PCDHGA3: variants seen among roughly 807,000 people sequenced by gnomAD.
PCDHGA3 encodes the protein protocadherin gamma subfamily A, 3, also known as protocadherin gamma-A3.
PCDHGA3 carries 40 observed loss-of-function variants against 58.5 expected under a neutral mutation model. The ratio of observed to expected loss-of-function variants is 0.68; its 90% CI spans 0.53 to 0.89. The LOEUF is 0.89. Ranked by LOEUF, PCDHGA3 falls within the 40% of genes least tolerant of loss-of-function variation. The pLI, the probability that PCDHGA3 is intolerant of heterozygous loss-of-function variation, is 0.00. For missense variants in PCDHGA3, 1,223 were observed against 1,195.9 expected (o/e 1.02, Z -0.33); for synonymous variants, 530 against 525.7 (o/e 1.01, Z -0.11).
At chr5:141,372,747 G>C (rs749618566) in intron 1 of PCDHGA3, 2 of 1,613,418 alleles carry the variant, frequency 1.2e-6, no homozygotes, top group Non-Finnish European at 1.7e-6. Flanking sequence ...ATGTGATGAA[G>C]CCTCTTGGTT....
At chr5:141,412,204 T>G (rs2095542280) in intron 1 of PCDHGA3, 1 of 152,240 alleles carries the variant, frequency 6.6e-6, no homozygotes, top group Admixed American at 6.5e-5. Context: ...ACAGGTCATT[T>G]GACATAAACA....
At chr5:141,475,819 G>A (rs1232669115) in intron 1 of PCDHGA3, 4 of 350,114 alleles carry the variant, frequency 1.1e-5, no homozygotes, top group Non-Finnish European at 1.6e-5. Context: ...GAAGTTCCTG[G>A]CGCTAGCGCG....
Position 141,477,779 on chromosome 5 carries a change from A to G in PCDHGA3, c.2425-17028A>G, listed in dbSNP as rs781567883. ...CCTAGCCACCAACATCAGCGTGAAC[A>G]TATTTGTCACTGATCGCAATGACAA... On this transcript the variant is annotated intron_variant, in intron 1 of 3. Coordinates refer to ENST00000253812, the MANE Select transcript of PCDHGA3 (RefSeq NM_018916.4). This position sits in a 1 kb window ranked among gnomAD's most constrained non-coding sequence, Gnocchi z 4.9. 5.6e-6 allele frequency: 9 copies of G among 1,613,894 alleles called. No homozygotes were observed. Among genetic ancestry groups the G allele is most frequent in the South Asian group, 5.5e-5 (5 of 91,084 alleles).
intron 1 of PCDHGA3, among the ~76,000 whole-genome samples, chr5:141,470,212 C>A (rs756256854): frequency 2.0e-5 from 3 of 152,116 alleles, no homozygotes; most frequent in Non-Finnish European, 4.4e-5. Context: ...AAGGCTAAAC[C>A]ATTCAGCTTC....
rs192631651 is a variant in PCDHGA3 at position 141,432,052 on chromosome 5, C to T, written c.2425-62755C>T. On this transcript the variant is annotated intron_variant, in intron 1 of 3. Transcript: ENST00000253812. This position sits in a 1 kb window ranked among gnomAD's most constrained non-coding sequence, Gnocchi z 6.0. ...CCGCCACTGACCGGGGAACCCCGCC[C>T]CTATCCACGGAAACTCATATCTCGC... is the stretch of plus-strand genomic sequence containing the variant. The T allele has an allele frequency of 1.2e-6, 2 of 1,614,108 alleles. No individual in the cohort carries two copies. The highest frequency in any genetic ancestry group is 1.3e-5 in the African/African-American group (1 of 74,930).
intron 1 of PCDHGA3, chr5:141,392,926 A>G (rs1180746876): frequency 9.3e-6 from 15 of 1,613,946 alleles, no homozygotes; most frequent in Non-Finnish European, 1.3e-5. Context: ...GTGCCAGAAG[A>G]GACGGACAAA....
intron 1 of PCDHGA3, chr5:141,356,817 C>T (rs553662641): frequency 1.2e-6 from 2 of 1,613,926 alleles, no homozygotes; most frequent in Admixed American, 3.3e-5. Flanking sequence ...ACAGTGGAGA[C>T]CCTCCACTCA....
chr5:141,389,137 T>C, intron 1 of PCDHGA3: 1 of 1,614,020 alleles, frequency 6.2e-7, no homozygotes. Flanking sequence ...GAGTACAATA[T>C]AACCGTTACG....
intron 3 of PCDHGA3, among the ~76,000 whole-genome samples, chr5:141,510,208 G>A (rs560746333): frequency 2.0e-5 from 3 of 151,866 alleles, no homozygotes; most frequent in Admixed American, 1.3e-4. Context: ...AGGAGGCAGA[G>A]GTTGCAGTGA....
intron 1 of PCDHGA3, chr5:141,390,026 A>G (rs1442754847): frequency 1.2e-6 from 2 of 1,613,826 alleles, no homozygotes; most frequent in Admixed American, 1.7e-5. Flanking sequence ...TGCGCCTGCG[A>G]CGCTCCTCCA....
chr5:141,381,257 C>G (rs1284591781), intron 1 of PCDHGA3, among the ~76,000 whole-genome samples: 1 of 152,248 alleles, frequency 6.6e-6, no homozygotes, highest in Non-Finnish European at 1.5e-5. Flanking sequence ...GAAGAATTTA[C>G]AAACCAAGAC....
chr5:141,365,581 T>C (rs751305003), intron 1 of PCDHGA3: 49 of 1,613,586 alleles, frequency 3.0e-5, no homozygotes, highest in Middle Eastern at 1.6e-4. Context: ...AGACTTCAGA[T>C]TATAATATCA....
chr5:141,418,753 A>G, intron 1 of PCDHGA3: 2 of 1,613,974 alleles, frequency 1.2e-6, no homozygotes, highest in South Asian at 2.2e-5. Context: ...ATTACACTAC[A>G]GGAAACATTC....
intron 2 of PCDHGA3, among the ~76,000 whole-genome samples, chr5:141,498,604 C>G (rs1445417630): frequency 6.6e-6 from 1 of 152,122 alleles, no homozygotes; most frequent in East Asian, 1.9e-4. Flanking sequence ...GGTTCAAGTT[C>G]AAGTCAGCAC....
In PCDHGA3 at chr5:141,366,149, C is replaced by G. The variant is rs532159175; in HGVS notation, c.2424+19692C>G. Reference sequence around the variant, plus strand: ...AGGCCAGAACGCCTGGCTGTCCTACCGCCTGCTTAAGGCCAGCGAGCCAGG... The same window carrying G: ...AGGCCAGAACGCCTGGCTGTCCTACGGCCTGCTTAAGGCCAGCGAGCCAGG... On this transcript the variant is annotated intron_variant, in intron 1 of 3. Transcript: ENST00000253812. 1.9e-6 allele frequency: 3 copies of G among 1,614,160 alleles called. No individual in the cohort carries two copies. The African/African-American group carries it at 4.0e-5, about 22-fold the overall frequency.
In PCDHGA3 at chr5:141,485,589, A is replaced by G. The variant is rs1407992185; in HGVS notation, c.2425-9218A>G. 6.2e-7 allele frequency: 1 copy of G among 1,612,610 alleles called. No homozygotes were observed. Among genetic ancestry groups the G allele is most frequent in the Non-Finnish European group, 8.5e-7 (1 of 1,178,834 alleles). On this transcript the variant is annotated intron_variant, in intron 1 of 3. Coordinates refer to ENST00000253812, the MANE Select transcript of PCDHGA3 (RefSeq NM_018916.4). The surrounding 1 kb of genome is among the most constrained non-coding windows in gnomAD (Gnocchi z 5.7). Reference sequence around the variant, plus strand: ...CCCCGTTTTCCGCGGCAGCAGCTGGACTTGGAAATTGGGGAGGCAGCTCCT... The same window carrying G: ...CCCCGTTTTCCGCGGCAGCAGCTGGGCTTGGAAATTGGGGAGGCAGCTCCT...
intron 1 of PCDHGA3, among the ~76,000 whole-genome samples, chr5:141,481,241 A>C (rs557107835): frequency 2.0e-5 from 3 of 152,350 alleles, no homozygotes; most frequent in South Asian, 2.1e-4. Flanking sequence ...AGTATTACAT[A>C]GCATAGCTCT....
intron 1 of PCDHGA3, among the ~76,000 whole-genome samples, chr5:141,401,149 C>T (rs1398876381): frequency 6.6e-6 from 1 of 152,132 alleles, no homozygotes; most frequent in Non-Finnish European, 1.5e-5. Flanking sequence ...CAAGACCAGC[C>T]TGGGCAATAT....
chr5:141,370,601 T>G, intron 1 of PCDHGA3: 2 of 1,614,004 alleles, frequency 1.2e-6, no homozygotes, highest in Non-Finnish European at 1.7e-6. Context: ...TGCGGGTTAT[T>G]GCAGAGAAGA....
Sources: allele counts gnomAD v4.1 joint callset (sites outside exome capture counted in the v4.1 genomes callset), GRCh38; gene constraint gnomAD v4.1.1; non-coding constraint Gnocchi (gnomAD v3.1); transcripts MANE v1.5; gene names NCBI Gene and HGNC (gene_info 2026-07-23, HGNC 2026-07-21).